The following ITGA6 variants were observed in gnomAD, a reference collection of about 807,000 sequenced individuals.
The protein encoded by ITGA6 is integrin subunit alpha 6.
Under a neutral mutation model 133.6 loss-of-function variants are expected in ITGA6, and 63 were observed. The observed-to-expected ratio is 0.47, with a 90% CI of 0.38 to 0.58. The LOEUF (loss-of-function observed/expected upper bound fraction) is 0.58, where lower values mean the gene tolerates loss of function less well. ITGA6 is among the 20% of genes least tolerant of loss of function. The probability of loss-of-function intolerance (pLI) is 0.00; values close to 1 mark genes in which losing one functional copy is unlikely to be tolerated. For missense variants in ITGA6, 1,068 were observed against 1,309.4 expected (o/e 0.82, Z 2.85); for synonymous variants, 434 against 482.0 (o/e 0.90, Z 1.30).
intron 23 of ITGA6, among the ~76,000 whole-genome samples, chr2:172,497,636 A>G (rs893305224): frequency 2.0e-5 from 3 of 152,170 alleles, no homozygotes; most frequent in South Asian, 4.1e-4. Context: ...GACTGGCTGT[A>G]TATTGATAAT....
At chr2:172,473,572 T>C (rs553369673) in intron 5 of ITGA6, among the ~76,000 whole-genome samples, 1 of 152,352 alleles carries the variant, frequency 6.6e-6, no homozygotes, top group South Asian at 2.1e-4. Flanking sequence ...TACTTTTTCT[T>C]CAATTTTATT....
chr2:172,433,140 C>T (rs1040546377), intron 1 of ITGA6, among the ~76,000 whole-genome samples: 2 of 152,084 alleles, frequency 1.3e-5, no homozygotes. Context: ...AGTCTCAGCC[C>T]CCGGTGCCCA....
intron 10 of ITGA6, 60 bp downstream of exon 10, chr2:172,479,799 ACT>A: frequency 2.8e-6 from 4 of 1,451,048 alleles, no homozygotes; most frequent in Non-Finnish European, 3.9e-6. Flanking sequence ...CTTCATGATG[ACT>A]CTATTGTCCT....
intron 9 of ITGA6, among the ~76,000 whole-genome samples, chr2:172,477,399 T>A (rs1686224289): frequency 6.6e-6 from 1 of 152,222 alleles, no homozygotes; most frequent in Non-Finnish European, 1.5e-5. Context: ...TTATTTTTTT[T>A]AAAGTTAATA....
chr2:172,500,671 G>A (rs75430322), intron 24 of ITGA6, among the ~76,000 whole-genome samples: 2,908 of 152,256 alleles, frequency 0.019, 67 homozygotes, highest in African/African-American at 0.051. Context: ...GCAGGACCAG[G>A]CCTCTTGGCT....
intron 1 of ITGA6, among the ~76,000 whole-genome samples, chr2:172,458,461 A>C (rs935864385): frequency 3.3e-5 from 5 of 152,110 alleles, no homozygotes; most frequent in Non-Finnish European, 5.9e-5. Flanking sequence ...AGAAATAAAA[A>C]AAATGCCTAA....
intron 25 of ITGA6, among the ~76,000 whole-genome samples, 162 bp downstream of exon 25, chr2:172,502,063 A>G (rs1482485610): frequency 1.3e-5 from 2 of 152,162 alleles, no homozygotes; most frequent in East Asian, 3.9e-4. Flanking sequence ...ATTTCACTTG[A>G]AAGCTCAGTT....
At position 172,504,791 on chromosome 2, in the gene ITGA6, T is replaced by C. The variant is rs1419543029; in HGVS notation, c.*723T>C. 6.5e-6 allele frequency: 1 copy of C among 152,796 alleles called. No individual in the cohort carries two copies. Among genetic ancestry groups the C allele is most frequent in the African/African-American group, 2.4e-5 (1 of 41,480 alleles). 9.5% of individuals were successfully genotyped at this position (152,796 alleles called of 1,614,324 possible). A position where few individuals can be genotyped will look rare whatever the true frequency, so the allele number is the denominator to read the frequency against. On this transcript the variant is annotated 3_prime_UTR_variant, in exon 26 of 26. Transcript: ENST00000684293. ...CTACCGTCTTTTCCTGTTTCCTAGC[T>C]GTGTGAATACCTGCTCACGTCAAAT...
chr2:172,501,729 A>G (rs201340171), intron 24 of ITGA6, 43 bp from the exon 25 acceptor site: 2 of 1,601,720 alleles, frequency 1.2e-6, no homozygotes, highest in Non-Finnish European at 1.7e-6. Context: ...TGGCTCTTAT[A>G]CACAAAACTG....
chr2:172,459,330 C>T (rs998835541), intron 1 of ITGA6, among the ~76,000 whole-genome samples: 2 of 152,088 alleles, frequency 1.3e-5, no homozygotes, highest in Non-Finnish European at 2.9e-5. Flanking sequence ...ATGGCAAAAC[C>T]CCATCTCTAA....
intron 3 of ITGA6, 196 bp from the exon 4 acceptor site, chr2:172,468,929 C>T (rs1574367652): frequency 1.0e-5 from 6 of 598,126 alleles, no homozygotes; most frequent in South Asian, 4.0e-5. Flanking sequence ...ATTCTAGTTT[C>T]TATATGTCTT....
intron 1 of ITGA6, among the ~76,000 whole-genome samples, chr2:172,444,234 C>T (rs1223423283): frequency 6.6e-6 from 1 of 152,168 alleles, no homozygotes; most frequent in African/African-American, 2.4e-5. Context: ...TTTTGGTCTG[C>T]CAGTTTGTTA....
At chr2:172,490,949 T>C in intron 20 of ITGA6, 75 bp from the exon 21 acceptor site, 1 of 823,910 alleles carries the variant, frequency 1.2e-6, no homozygotes, top group South Asian at 1.4e-5. Context: ...TTTGGGAGGA[T>C]ATGCTCAAGA....
At chr2:172,498,401 CCTAAGATATAAGT>C (rs781058305) in intron 24 of ITGA6, among the ~76,000 whole-genome samples, 4 of 152,148 alleles carry the variant, frequency 2.6e-5, no homozygotes, top group African/African-American at 4.8e-5. Flanking sequence ...ATTTTCTTCA[CCTAAGATATAAGT>C]CTGGATCTAA....
At chr2:172,485,825 A>T (rs1422522053) in intron 13 of ITGA6, among the ~76,000 whole-genome samples, 1 of 152,170 alleles carries the variant, frequency 6.6e-6, no homozygotes, top group Non-Finnish European at 1.5e-5. Flanking sequence ...TTAAGGTGCA[A>T]GGTTAGCCCG....
intron 25 of ITGA6, among the ~76,000 whole-genome samples, 170 bp downstream of exon 25, chr2:172,502,071 GT>G (rs978153020): frequency 3.9e-4 from 59 of 152,120 alleles, no homozygotes; most frequent in African/African-American, 1.4e-3. Flanking sequence ...TGAAAGCTCA[GT>G]TTTTGTTTTT....
At chr2:172,492,243 T>C (rs1686957661) in intron 23 of ITGA6, among the ~76,000 whole-genome samples, 1 of 152,206 alleles carries the variant, frequency 6.6e-6, no homozygotes, top group Non-Finnish European at 1.5e-5. Flanking sequence ...TGCCTAAAAT[T>C]TGCTTTTTCA....
At chr2:172,485,324 A>G in intron 13 of ITGA6, 60 bp downstream of exon 13, 1 of 1,437,218 alleles carries the variant, frequency 7.0e-7, no homozygotes, top group Non-Finnish European at 9.8e-7. Flanking sequence ...TGCTAAATCA[A>G]ATGTCTTTGA....
At position 172,474,178 on chromosome 2, in the gene ITGA6, A is replaced by G. The variant is rs1686062992; in HGVS notation, c.899A>G (p.His300Arg). The change falls in exon 6 of 26, where the codon CAT becomes CGT. Residue 300 changes from histidine (H) to arginine (R), a missense_variant. By Grantham distance (29) the His-to-Arg change is conservative (BLOSUM62 0). Coordinates refer to ENST00000684293, the MANE Select transcript of ITGA6 (RefSeq NM_000210.4). The part of the protein sequence containing the change: ...VLLKRDMKSA[H>R]LLPEHIFDGE... ...CTGAAGAGAGACATGAAGTCTGCAC[A>G]TCTCCTCCCTGAGCACATATTCGAT... The G allele has an allele frequency of 6.2e-7, 1 of 1,614,012 alleles. No individual in the cohort carries two copies. The highest frequency in any genetic ancestry group is 8.5e-7 in the Non-Finnish European group (1 of 1,180,038).
Sources: gnomAD v4.1 joint callset for allele counts (sites outside exome capture counted in the v4.1 genomes callset) on GRCh38, gnomAD v4.1.1 for gene constraint, MANE v1.5 for transcripts, NCBI Gene and HGNC (gene_info 2026-07-23, HGNC 2026-07-21) for gene names.